PKP1: variants seen among roughly 807,000 people sequenced by gnomAD.
The protein encoded by PKP1 is plakophilin-1.
PKP1 carries 27 observed loss-of-function variants against 76.4 expected under a neutral mutation model. The ratio of observed to expected loss-of-function variants is 0.35; its 90% CI spans 0.26 to 0.49. The LOEUF is 0.49. PKP1 is among the 20% of genes least tolerant of loss of function. The pLI is 0.99. For missense variants in PKP1, 964 were observed against 955.2 expected (o/e 1.01, Z -0.12); for synonymous variants, 404 against 384.2 (o/e 1.05, Z -0.60).
At chr1:201,313,859 C>T (rs1219399063) in intron 3 of PKP1, among the ~76,000 whole-genome samples, 1 of 152,172 alleles carries the variant, frequency 6.6e-6, no homozygotes, top group Non-Finnish European at 1.5e-5. Flanking sequence ...TTCCTCCAAC[C>T]AGCAACATCA....
intron 6 of PKP1, chr1:201,319,944 A>T: frequency 6.5e-7 from 1 of 1,537,744 alleles, no homozygotes. Context: ...TTATAAAGTT[A>T]CTGGGCAGAG....
chr1:201,324,634 C>T, intron 10 of PKP1, 53 bp downstream of exon 10: 1 of 1,593,708 alleles, frequency 6.3e-7, no homozygotes, highest in Non-Finnish European at 8.6e-7. Context: ...AGGCTCCCTA[C>T]AATTCAAGCC....
intron 2 of PKP1, among the ~76,000 whole-genome samples, chr1:201,294,611 A>G (rs556482651): frequency 3.3e-5 from 5 of 152,352 alleles, no homozygotes; most frequent in African/African-American, 4.8e-5. Context: ...GCTTCTTCAC[A>G]TGGAAAGTGG....
At chr1:201,296,774 G>T (rs1030044834) in intron 2 of PKP1, among the ~76,000 whole-genome samples, 9 of 152,164 alleles carry the variant, frequency 5.9e-5, no homozygotes, top group African/African-American at 1.9e-4. Context: ...ACCCCTAAAA[G>T]TTCAGAACTG....
chr1:201,305,736 G>C (rs1404639916), intron 2 of PKP1, among the ~76,000 whole-genome samples: 1 of 151,302 alleles, frequency 6.6e-6, no homozygotes, highest in Non-Finnish European at 1.5e-5. Flanking sequence ...AGTATAGGGT[G>C]GGGGGCATCT....
chr1:201,307,299 T>C (rs1393174173), intron 2 of PKP1, among the ~76,000 whole-genome samples: 2 of 152,116 alleles, frequency 1.3e-5, no homozygotes, highest in Non-Finnish European at 2.9e-5. Flanking sequence ...AAAGCAGTGT[T>C]CCAGGAAAAG....
intron 2 of PKP1, among the ~76,000 whole-genome samples, chr1:201,296,300 GAGA>G (rs1656067410): frequency 1.3e-5 from 2 of 152,220 alleles, no homozygotes; most frequent in South Asian, 2.1e-4. Context: ...CAGACATAAG[GAGA>G]AGGAGAGCAG....
chr1:201,323,859 G>A lies in PKP1; in HGVS notation c.1681-569G>A, dbSNP rs537014082. Among the ~76,000 whole-genome samples, 82 of 152,228 alleles carry A rather than the reference G, an allele frequency of 5.4e-4. No homozygotes were observed. The South Asian group carries it at 0.016, about 30-fold the overall frequency. On this transcript the variant is annotated intron_variant, in intron 9 of 13. Transcript: ENST00000367324. The stretch of plus-strand genomic sequence containing the variant: ...ACCCACCTAGACCTGTTACACCCAG[G>A]ATAGCTATGTTGCTTAGAGGCCTGG...
intron 1 of PKP1, among the ~76,000 whole-genome samples, chr1:201,291,554 G>C (rs574403231): frequency 1.8e-4 from 27 of 152,166 alleles, no homozygotes; most frequent in African/African-American, 6.5e-4. Flanking sequence ...ATGCTGACAG[G>C]TTCTCTCCCA....
At chr1:201,302,714 A>T (rs978894517) in intron 2 of PKP1, among the ~76,000 whole-genome samples, 1 of 152,210 alleles carries the variant, frequency 6.6e-6, no homozygotes, top group African/African-American at 2.4e-5. Flanking sequence ...CTGTAGAGAC[A>T]CAGGTGGGGA....
At chr1:201,327,991 G>A (rs994364676) in intron 12 of PKP1, among the ~76,000 whole-genome samples, 1 of 152,128 alleles carries the variant, frequency 6.6e-6, no homozygotes, top group Non-Finnish European at 1.5e-5. Context: ...AGACAGGAGG[G>A]GCAGGGCTTC....
At chr1:201,284,937 G>A (rs1428966880) in intron 1 of PKP1, among the ~76,000 whole-genome samples, 1 of 152,152 alleles carries the variant, frequency 6.6e-6, no homozygotes, top group Non-Finnish European at 1.5e-5. Flanking sequence ...AACTCAAGGA[G>A]GAAGGGGCAG....
chr1:201,297,549 C>G (rs1484535210), intron 2 of PKP1, among the ~76,000 whole-genome samples: 2 of 152,190 alleles, frequency 1.3e-5, no homozygotes, highest in African/African-American at 4.8e-5. Context: ...AGAAATTACT[C>G]CTTGAAGGCC....
chr1:201,320,859 C>G (rs1434241508), intron 7 of PKP1, among the ~76,000 whole-genome samples: 3 of 152,126 alleles, frequency 2.0e-5, no homozygotes, highest in Non-Finnish European at 2.9e-5. Context: ...GGCTTAGTGT[C>G]CCCCCTGAGA....
intron 4 of PKP1, 76 bp from the exon 5 acceptor site, chr1:201,317,496 A>G (rs200752308): frequency 1.6e-6 from 2 of 1,283,558 alleles, no homozygotes; most frequent in Admixed American, 1.9e-5. Flanking sequence ...GAAAAAAAAA[A>G]TCACCTTTGA....
At chr1:201,295,195 G>C (rs989281447) in intron 2 of PKP1, among the ~76,000 whole-genome samples, 1 of 152,076 alleles carries the variant, frequency 6.6e-6, no homozygotes, top group Non-Finnish European at 1.5e-5. Context: ...CTGGGGAGAG[G>C]AGAGGGTGAG....
chr1:201,313,161 GC>G lies in PKP1; in HGVS notation c.307-3del. The stretch of plus-strand genomic sequence containing the variant: ...GACTGAGCTTTTCTCCCTTTCCCTG[GC>G]CAGATCTACAATGGAACCCTCAAGC... On this transcript the variant is annotated splice_region_variant and splice_polypyrimidine_tract_variant and intron_variant, in intron 2 of 13. Coordinates refer to ENST00000367324, the MANE Select transcript of PKP1 (RefSeq NM_001005337.3). 1 of 1,609,120 alleles carries G rather than the reference GC, an allele frequency of 6.2e-7. No homozygotes were observed. Among genetic ancestry groups the G allele is most frequent in the South Asian group, 1.1e-5 (1 of 90,162 alleles).
intron 4 of PKP1, 126 bp from the exon 5 acceptor site, chr1:201,317,446 G>A (rs1006791040): frequency 2.2e-5 from 18 of 830,602 alleles, no homozygotes; most frequent in Middle Eastern, 2.2e-4. Flanking sequence ...ATTTATTTTG[G>A]TTGACTTGAA....
In PKP1 at chr1:201,321,840, T is replaced by G. The variant is rs1779292; in HGVS notation, c.1348-138T>G. On this transcript the variant is annotated intron_variant, in intron 7 of 13. Transcript: ENST00000367324. Reference sequence around the variant, plus strand: ...GGCCCTGGAAGACTTCCCAGGCTGATAGTGTGGTGGTGCCTGCGCTCATCT... The same window carrying G: ...GGCCCTGGAAGACTTCCCAGGCTGAGAGTGTGGTGGTGCCTGCGCTCATCT... 1 allele frequency: 899,139 copies of G among 902,266 alleles called. 448,052 individuals carry two copies. Among genetic ancestry groups the G allele is most frequent in the East Asian group, 1 (38,380 of 38,380 alleles). 55.9% of individuals were successfully genotyped at this position (902,266 alleles called of 1,614,324 possible). A position where few individuals can be genotyped will look rare whatever the true frequency, so the allele number is the denominator to read the frequency against.
Sources: gnomAD v4.1 joint callset for allele counts (sites outside exome capture counted in the v4.1 genomes callset) on GRCh38, gnomAD v4.1.1 for gene constraint, MANE v1.5 for transcripts, NCBI Gene and HGNC (gene_info 2026-07-23, HGNC 2026-07-21) for gene names.